The following COL4A1 variants were observed in gnomAD, a reference collection of about 807,000 sequenced individuals.
COL4A1 encodes the protein collagen alpha-1(IV) chain.
In COL4A1, 40 loss-of-function variants were observed where a neutral mutation model predicts 216.6. The observed-to-expected ratio is 0.18, with a 90% confidence interval of 0.14 to 0.24. The LOEUF (loss-of-function observed/expected upper bound fraction) is 0.24. Among genes scored for constraint, COL4A1 ranks in the 10% least tolerant of loss-of-function variants. The probability of loss-of-function intolerance (pLI) is 1.00; values close to 1 mark genes in which losing one functional copy is unlikely to be tolerated. For synonymous variants in COL4A1, 839 were observed against 810.7 expected, an observed-to-expected ratio of 1.03 and a Z score of -0.59; for missense variants, 1,628 against 2,196.8, an observed-to-expected ratio of 0.74 and a Z score of 5.18.
chr13:110,179,627 T>C (rs1019012481), intron 29 of COL4A1, among the ~76,000 whole-genome samples: 1 of 152,184 alleles, frequency 6.6e-6, no homozygotes, highest in Admixed American at 6.5e-5. Flanking sequence ...GGTGGGTAAC[T>C]TTCATTGTTT....
intron 2 of COL4A1, among the ~76,000 whole-genome samples, chr13:110,224,129 G>A (rs1880629940): frequency 2.0e-5 from 3 of 152,160 alleles, no homozygotes; most frequent in Non-Finnish European, 4.4e-5. Flanking sequence ...GAGGTGCTGA[G>A]AGTCTGCACA....
chr13:110,157,917 A>G (rs146254237), intron 49 of COL4A1, among the ~76,000 whole-genome samples: 1,927 of 151,804 alleles, frequency 0.013, 26 homozygotes, highest in Non-Finnish European at 0.02. Flanking sequence ...CCACCAGGGC[A>G]TGCCAGAGCT....
intron 24 of COL4A1, among the ~76,000 whole-genome samples, chr13:110,188,110 C>T (rs1460690928): frequency 6.6e-6 from 1 of 152,226 alleles, no homozygotes; most frequent in Non-Finnish European, 1.5e-5. Context: ...CCTCCAGCAT[C>T]CTGAGACTTG....
rs1234924807 is a variant in COL4A1 at position 110,301,817 on chromosome 13, AG to A, written c.84+5126del. Among the ~76,000 whole-genome samples the A allele has an allele frequency of 1.1e-4, 16 of 152,310 alleles. No individual in the cohort carries two copies. The East Asian group carries it at 3.1e-3, about 29-fold the overall frequency. On this transcript the variant is annotated intron_variant, in intron 1 of 51. Coordinates refer to ENST00000375820, the MANE Select transcript of COL4A1 (RefSeq NM_001845.6). ...CAAAGCCGTATGTCGAGGAGTAGCA[AG>A]GAACGAGGCCAGAAAAATTTGACAG...
intron 1 of COL4A1, among the ~76,000 whole-genome samples, chr13:110,287,273 T>C (rs564491679): frequency 2.6e-5 from 4 of 152,086 alleles, no homozygotes; most frequent in Non-Finnish European, 5.9e-5. Context: ...CCGCATGACA[T>C]CTCAGGGGCA....
At chr13:110,223,334 T>C (rs1880591270) in intron 2 of COL4A1, among the ~76,000 whole-genome samples, 1 of 152,196 alleles carries the variant, frequency 6.6e-6, no homozygotes, top group African/African-American at 2.4e-5. Context: ...AGAAAACTTA[T>C]GCATTAAGGT....
intron 1 of COL4A1, among the ~76,000 whole-genome samples, chr13:110,284,397 G>A (rs1397447791): frequency 3.3e-5 from 5 of 152,130 alleles, no homozygotes; most frequent in Non-Finnish European, 5.9e-5. Context: ...GCATAATCCC[G>A]AAATCAGTAA....
intron 50 of COL4A1, among the ~76,000 whole-genome samples, chr13:110,153,671 A>C (rs1566333667): frequency 6.6e-6 from 1 of 152,362 alleles, no homozygotes; most frequent in East Asian, 1.9e-4. Context: ...GTTACAATGC[A>C]GCACTTCGAA....
intron 23 of COL4A1, 69 bp from the exon 24 acceptor site, chr13:110,192,353 A>T: frequency 7.1e-7 from 1 of 1,418,214 alleles, no homozygotes; most frequent in Non-Finnish European, 1.0e-6. Context: ...ACCTTTTCTT[A>T]AGACTCAAAA....
At chr13:110,183,307 T>C in intron 26 of COL4A1, 31 bp from the exon 27 acceptor site, 2 of 1,596,716 alleles carry the variant, frequency 1.3e-6, no homozygotes, top group South Asian at 2.2e-5. Flanking sequence ...AGACAAACGA[T>C]GAAGGAATGA....
rs534437735 is a variant in COL4A1, at chr13:110,278,893, C to T, written c.84+28051G>A. On this transcript the variant is annotated intron_variant, in intron 1 of 51. Coordinates refer to ENST00000375820, the MANE Select transcript of COL4A1 (RefSeq NM_001845.6). ...GCAGCTCAGAGGCGTCCCACACCTC[C>T]TTTTCATTTTTCTCAAACTACAAAT... Among the ~76,000 whole-genome samples, 18 of 152,264 alleles carry T rather than the reference C, an allele frequency of 1.2e-4. No homozygotes were observed. In the East Asian group the frequency reaches 2.5e-3, roughly 21 times the overall value.
intron 24 of COL4A1, among the ~76,000 whole-genome samples, chr13:110,188,216 T>A (rs1443890071): frequency 6.6e-6 from 1 of 152,264 alleles, no homozygotes; most frequent in African/African-American, 2.4e-5. Context: ...CCTGTCGACT[T>A]GGCAGAATTT....
At chr13:110,301,342 G>C (rs1196003247) in intron 1 of COL4A1, among the ~76,000 whole-genome samples, 1 of 152,216 alleles carries the variant, frequency 6.6e-6, no homozygotes, top group Non-Finnish European at 1.5e-5. Context: ...CCCAAACATG[G>C]TGGGATGCTT....
At chr13:110,252,545 A>ATATACGTATAATTATACGTATATATGTAT in intron 1 of COL4A1, among the ~76,000 whole-genome samples, 1 of 47,210 alleles carries the variant, frequency 2.1e-5, no homozygotes, top group African/African-American at 6.8e-5. Flanking sequence ...TATATGTATT[A>ATATACGTATAATTATACGTATATATGTAT]TATATACGTA....
At chr13:110,248,560 C>T (rs1189575709) in intron 1 of COL4A1, among the ~76,000 whole-genome samples, 1 of 151,844 alleles carries the variant, frequency 6.6e-6, no homozygotes, top group Non-Finnish European at 1.5e-5. Flanking sequence ...GGCGCGACGT[C>T]GGCTCACCGC....
At chr13:110,282,365 T>C (rs1431735583) in intron 1 of COL4A1, among the ~76,000 whole-genome samples, 1 of 152,188 alleles carries the variant, frequency 6.6e-6, no homozygotes, top group Non-Finnish European at 1.5e-5. Context: ...TGGTGACTCT[T>C]AGGTATTATC....
intron 1 of COL4A1, among the ~76,000 whole-genome samples, chr13:110,253,014 AAG>A (rs1440262763): frequency 4.8e-5 from 3 of 61,954 alleles, no homozygotes; most frequent in South Asian, 9.0e-4. Context: ...AGATAACTAT[AAG>A]TACGTATGTA....
intron 36 of COL4A1, 50 bp downstream of exon 36, chr13:110,176,374 C>T: frequency 8.2e-7 from 1 of 1,213,278 alleles, no homozygotes; most frequent in Non-Finnish European, 1.2e-6. Context: ...CATGCCCTAC[C>T]AGTATCACAC....
rs1441024143 is a variant in COL4A1, at chr13:110,171,884, T to C, written c.3556+836A>G. Among the ~76,000 whole-genome samples, 6 of 152,276 alleles carry C rather than the reference T, an allele frequency of 3.9e-5. No individual in the cohort carries two copies. In the East Asian group the frequency reaches 1.2e-3, roughly 29 times the overall value. Reference sequence around the variant, plus strand: ...TTCTGTGAGTTAAGGGAGAGGGAAGTGTCCATTCCCAAGGCAGCCCACCCG... The same window carrying C: ...TTCTGTGAGTTAAGGGAGAGGGAAGCGTCCATTCCCAAGGCAGCCCACCCG... On this transcript the variant is annotated intron_variant, in intron 41 of 51. Transcript: ENST00000375820.
Sources: allele counts gnomAD v4.1 joint callset (sites outside exome capture counted in the v4.1 genomes callset), GRCh38; gene constraint gnomAD v4.1.1; transcripts MANE v1.5; gene names NCBI Gene and HGNC (gene_info 2026-07-23, HGNC 2026-07-21).